The following CDH13 variants were observed in gnomAD, a reference collection of about 807,000 sequenced individuals.
CDH13 encodes the protein cadherin 13.
Under a neutral mutation model 63.8 loss-of-function variants are expected in CDH13, and 24 were observed. The observed-to-expected ratio is 0.38, with a 90% CI of 0.27 to 0.53. The LOEUF (loss-of-function observed/expected upper bound fraction) is 0.53, where lower values mean the gene tolerates loss of function less well. Ranked by LOEUF, CDH13 falls within the 20% of genes least tolerant of loss-of-function variation. CDH13 has a pLI of 0.85. For synonymous variants in CDH13, 503 were observed against 355.3 expected, an observed-to-expected ratio of 1.42 and a Z score of -4.67; for missense variants, 1,049 against 903.1, an observed-to-expected ratio of 1.16 and a Z score of -2.07.
chr16:83,039,450 G>A (rs112834447), intron 3 of CDH13, among the ~76,000 whole-genome samples: 16 of 152,078 alleles, frequency 1.1e-4, no homozygotes, highest in African/African-American at 3.9e-4. Context: ...CCCAAGAAAG[G>A]ATCTCCCCTA....
intron 1 of CDH13, among the ~76,000 whole-genome samples, chr16:82,661,633 G>C (rs908847010): frequency 2.0e-5 from 3 of 152,222 alleles, no homozygotes; most frequent in Non-Finnish European, 2.9e-5. Context: ...ATGGATGCTG[G>C]ATGCATATGG....
At chr16:83,729,248 A>C (rs1275509960) in intron 10 of CDH13, among the ~76,000 whole-genome samples, 4 of 152,222 alleles carry the variant, frequency 2.6e-5, no homozygotes, top group African/African-American at 9.7e-5. Context: ...ATATACTGTT[A>C]CATATCATAG....
chr16:82,977,710 A>T (rs1044501487), intron 2 of CDH13, among the ~76,000 whole-genome samples: 1 of 152,180 alleles, frequency 6.6e-6, no homozygotes, highest in Non-Finnish European at 1.5e-5. Flanking sequence ...TAATACAGCA[A>T]ATTGGTTCTG....
At chr16:83,433,379 C>G (rs571615026) in intron 6 of CDH13, among the ~76,000 whole-genome samples, 1 of 152,104 alleles carries the variant, frequency 6.6e-6, no homozygotes, top group Non-Finnish European at 1.5e-5. Flanking sequence ...ATGAGAAACA[C>G]GAAAAAGCTT....
intron 3 of CDH13, among the ~76,000 whole-genome samples, chr16:83,053,284 AACCT>A (rs1376536562): frequency 6.6e-6 from 1 of 152,194 alleles, no homozygotes; most frequent in African/African-American, 2.4e-5. Flanking sequence ...AAGGTATCAT[AACCT>A]TAATATTAGG....
chr16:83,704,367 G>A (rs942722458), intron 10 of CDH13, among the ~76,000 whole-genome samples: 4 of 152,096 alleles, frequency 2.6e-5, no homozygotes, highest in Non-Finnish European at 5.9e-5. Flanking sequence ...TATGAACACC[G>A]AGATGGTTCT....
intron 3 of CDH13, among the ~76,000 whole-genome samples, chr16:83,039,551 G>A (rs1271144410): frequency 6.6e-6 from 1 of 152,058 alleles, no homozygotes; most frequent in Non-Finnish European, 1.5e-5. Flanking sequence ...GGTGTTTAAT[G>A]TCCGCCTTGG....
At chr16:83,758,902 G>A (rs1175729470) in intron 11 of CDH13, among the ~76,000 whole-genome samples, 5 of 152,114 alleles carry the variant, frequency 3.3e-5, no homozygotes, top group East Asian at 3.9e-4. Flanking sequence ...CCACATTAAC[G>A]GAGAGATATA....
At chr16:82,938,043 GA>G (rs1161561690) in intron 2 of CDH13, among the ~76,000 whole-genome samples, 1 of 152,044 alleles carries the variant, frequency 6.6e-6, no homozygotes, top group African/African-American at 2.4e-5. Context: ...GAAAGAAGAA[GA>G]AAAAGAAAAA....
At chr16:83,323,273 T>C (rs1349906515) in intron 5 of CDH13, among the ~76,000 whole-genome samples, 8 of 95,540 alleles carry the variant, frequency 8.4e-5, no homozygotes, top group South Asian at 4.3e-4. Context: ...TTTCTTGTTT[T>C]CTTTTTTTCT....
chr16:83,518,917 C>T (rs1369834746), intron 7 of CDH13, among the ~76,000 whole-genome samples: 1 of 152,298 alleles, frequency 6.6e-6, no homozygotes, highest in South Asian at 2.1e-4. Context: ...GTCAATTAAA[C>T]TTCTTTTCTT....
intron 1 of CDH13, among the ~76,000 whole-genome samples, chr16:82,820,293 G>T (rs574059385): frequency 2.2e-4 from 33 of 152,284 alleles, no homozygotes; most frequent in African/African-American, 7.9e-4. Context: ...ACACGTTTAC[G>T]TTGGTACTCA....
chr16:83,766,071 T>A (rs1914361375), intron 11 of CDH13, among the ~76,000 whole-genome samples: 1 of 152,184 alleles, frequency 6.6e-6, no homozygotes. Context: ...ATCTTCCTGA[T>A]TATCCTCCCA....
intron 9 of CDH13, among the ~76,000 whole-genome samples, chr16:83,677,093 T>C (rs1307810548): frequency 1.3e-5 from 2 of 152,210 alleles, no homozygotes. Flanking sequence ...AGGAACTTGA[T>C]AGAAGCAGTA....
At chr16:82,839,571 A>G (rs1012812028) in intron 1 of CDH13, among the ~76,000 whole-genome samples, 7 of 152,110 alleles carry the variant, frequency 4.6e-5, no homozygotes, top group South Asian at 2.1e-4. Context: ...CCCTGCTCCA[A>G]TTACCTTCAT....
Position 83,587,980 on chromosome 16 carries a change from A to G in CDH13, c.961-14474A>G, listed in dbSNP as rs1906335517. Among the ~76,000 whole-genome samples, 3 of 151,642 alleles carry G rather than the reference A, an allele frequency of 2.0e-5. No individual in the cohort carries two copies. In the South Asian group the frequency reaches 6.2e-4, roughly 32 times the overall value. On this transcript the variant is annotated intron_variant, in intron 7 of 13. Transcript: ENST00000567109. ...TTTTTTGAAAGATCATTTCCGTCCA[A>G]ACCTCACCACATGAGGACCCAGTTG...
At chr16:82,654,205 G>A (rs565589835) in intron 1 of CDH13, among the ~76,000 whole-genome samples, 2 of 152,292 alleles carry the variant, frequency 1.3e-5, no homozygotes, top group Admixed American at 6.5e-5. Context: ...TAGAGATTCT[G>A]GGGAGACAGC....
intron 3 of CDH13, among the ~76,000 whole-genome samples, chr16:83,108,681 C>T (rs1360564197): frequency 6.6e-6 from 1 of 152,162 alleles, no homozygotes; most frequent in Non-Finnish European, 1.5e-5. Flanking sequence ...ATTTTAGGCT[C>T]GAAGGCAGGG....
At chr16:82,923,791 C>T (rs994684465) in intron 2 of CDH13, among the ~76,000 whole-genome samples, 10 of 152,116 alleles carry the variant, frequency 6.6e-5, no homozygotes, top group African/African-American at 2.4e-4. Flanking sequence ...GTCTATGATA[C>T]AGAAAATCGT....
Sources: gnomAD v4.1 joint callset for allele counts (sites outside exome capture counted in the v4.1 genomes callset) on GRCh38, gnomAD v4.1.1 for gene constraint, MANE v1.5 for transcripts, NCBI Gene and HGNC (gene_info 2026-07-23, HGNC 2026-07-21) for gene names.